SDK1: variants seen among roughly 807,000 people sequenced by gnomAD.
SDK1 encodes protein sidekick-1.
In SDK1, 157 loss-of-function variants were observed where a neutral mutation model predicts 245.5. The ratio of observed to expected loss-of-function variants is 0.64; its 90% CI spans 0.56 to 0.73. The LOEUF (loss-of-function observed/expected upper bound fraction) is 0.73, where lower values mean the gene tolerates loss of function less well. SDK1 is among the 30% of genes least tolerant of loss of function. The probability of loss-of-function intolerance (pLI) is 0.00; values close to 1 mark genes in which losing one functional copy is unlikely to be tolerated. For missense variants in SDK1, 3,583 were observed against 3,002.3 expected, an observed-to-expected ratio of 1.19 and a Z score of -4.52; for synonymous variants, 1,647 against 1,278.5, an observed-to-expected ratio of 1.29 and a Z score of -6.15.
At chr7:3,496,044 C>G (rs941017220) in intron 1 of SDK1, among the ~76,000 whole-genome samples, 1 of 152,162 alleles carries the variant, frequency 6.6e-6, no homozygotes, top group Non-Finnish European at 1.5e-5. Context: ...TTAAGTGATA[C>G]ACTTTTTCCC....
chr7:4,158,314 C>T (rs1019262305), intron 30 of SDK1, 134 bp from the exon 31 acceptor site: 23 of 663,730 alleles, frequency 3.5e-5, no homozygotes, highest in Non-Finnish European at 3.9e-5. Flanking sequence ...TAAGCTGTCT[C>T]GGGCCCACAC....
chr7:3,804,424 T>G (rs906640648), intron 4 of SDK1, among the ~76,000 whole-genome samples: 10 of 152,226 alleles, frequency 6.6e-5, no homozygotes, highest in African/African-American at 2.4e-4. Flanking sequence ...TTCTGAGTTC[T>G]TTATTTTGCC....
In SDK1 at chr7:3,825,694, G is replaced by C. The variant is rs114453277; in HGVS notation, c.847+4111G>C. On this transcript the variant is annotated intron_variant, in intron 5 of 44. Coordinates refer to ENST00000404826, the MANE Select transcript of SDK1 (RefSeq NM_152744.4). The stretch of plus-strand genomic sequence containing the variant: ...TTAACTGCAGACTCACGTAGGGTTA[G>C]TAGTTGAAAGTGGATTCCTGAGAAT... Among the ~76,000 whole-genome samples the C allele has an allele frequency of 3.6e-3, 555 of 152,284 alleles. 3 individuals carry two copies. The highest frequency in any genetic ancestry group is 0.013 in the African/African-American group (542 of 41,564).
At chr7:3,522,943 G>A (rs961612666) in intron 1 of SDK1, among the ~76,000 whole-genome samples, 1 of 29,466 alleles carries the variant, frequency 3.4e-5, no homozygotes, top group Non-Finnish European at 6.6e-5. Flanking sequence ...GTAAAGGTTA[G>A]GGGCACTCTT....
intron 4 of SDK1, among the ~76,000 whole-genome samples, chr7:3,773,682 C>T (rs1174265641): frequency 2.0e-5 from 3 of 152,106 alleles, no homozygotes; most frequent in Non-Finnish European, 2.9e-5. Flanking sequence ...TTCCCCCTTA[C>T]CCAAAGTTTG....
intron 28 of SDK1, among the ~76,000 whole-genome samples, chr7:4,143,244 G>T (rs1172885468): frequency 6.6e-6 from 1 of 152,202 alleles, no homozygotes; most frequent in Non-Finnish European, 1.5e-5. Context: ...ACAGGTCCGG[G>T]GAATAAGGTT....
intron 32 of SDK1, among the ~76,000 whole-genome samples, chr7:4,163,824 C>G (rs1298865748): frequency 6.6e-6 from 1 of 152,214 alleles, no homozygotes; most frequent in Non-Finnish European, 1.5e-5. Flanking sequence ...CGCTTTCACC[C>G]TCTTGCTGTA....
chr7:3,878,506 G>C (rs899705122), intron 5 of SDK1, among the ~76,000 whole-genome samples: 2 of 152,110 alleles, frequency 1.3e-5, no homozygotes, highest in African/African-American at 4.8e-5. Flanking sequence ...GACAGAGCAA[G>C]ACTCTGTCTC....
At chr7:4,050,432 G>A (rs1199268542) in intron 18 of SDK1, among the ~76,000 whole-genome samples, 3 of 152,178 alleles carry the variant, frequency 2.0e-5, no homozygotes, top group Non-Finnish European at 4.4e-5. Context: ...CTCTCCTGTC[G>A]AGTCTCGTTG....
At chr7:3,539,128 A>T (rs970545614) in intron 1 of SDK1, among the ~76,000 whole-genome samples, 1 of 152,158 alleles carries the variant, frequency 6.6e-6, no homozygotes, top group Non-Finnish European at 1.5e-5. Flanking sequence ...TTCTTTCCTC[A>T]TGCCACCTGT....
intron 1 of SDK1, among the ~76,000 whole-genome samples, chr7:3,576,319 G>C (rs1038897055): frequency 6.6e-6 from 1 of 152,134 alleles, no homozygotes; most frequent in African/African-American, 2.4e-5. Context: ...AAAGCTTCTG[G>C]AGTTACACTG....
chr7:3,308,523 A>G (rs1033324041), intron 1 of SDK1, among the ~76,000 whole-genome samples: 3 of 151,324 alleles, frequency 2.0e-5, no homozygotes, highest in African/African-American at 4.9e-5. Context: ...ACAGCTATCA[A>G]TTAAATAGTC....
intron 22 of SDK1, among the ~76,000 whole-genome samples, chr7:4,094,740 G>T (rs1184436051): frequency 6.6e-6 from 1 of 152,180 alleles, no homozygotes; most frequent in South Asian, 2.1e-4. Context: ...AAAGTGAGGT[G>T]TGTCTTTCAG....
At chr7:4,263,507 C>T (rs1406579803) in intron 44 of SDK1, among the ~76,000 whole-genome samples, 6 of 99,718 alleles carry the variant, frequency 6.0e-5, no homozygotes, top group East Asian at 2.5e-4. Context: ...GGGGAGGCCA[C>T]GTAGACCTCT....
At position 4,139,479 on chromosome 7, in the gene SDK1, ATG is replaced by A. The variant is rs1292285302; in HGVS notation, c.4229-6235_4229-6234del. The stretch of plus-strand genomic sequence containing the variant: ...TGTATATGTATATATGTGTGTGTAT[ATG>A]TGTGTGTATATATGTGTGTGTGTAT... On this transcript the variant is annotated intron_variant, in intron 28 of 44. Transcript: ENST00000404826. Among the ~76,000 whole-genome samples the A allele has an allele frequency of 2.3e-4, 23 of 99,090 alleles. 3 individuals carry two copies. The highest frequency in any genetic ancestry group is 7.9e-4 in the East Asian group (3 of 3,806). The allele number at this position is 99,090 out of a possible 152,430, so 65.0% of individuals were successfully genotyped here.
At chr7:4,216,637 T>A (rs188554461) in intron 38 of SDK1, among the ~76,000 whole-genome samples, 9 of 152,308 alleles carry the variant, frequency 5.9e-5, no homozygotes, top group Non-Finnish European at 8.8e-5. Flanking sequence ...CAAAATATTT[T>A]AAAATATGGT....
intron 1 of SDK1, among the ~76,000 whole-genome samples, chr7:3,395,422 G>A (rs1365383052): frequency 1.3e-5 from 2 of 151,772 alleles, no homozygotes; most frequent in Non-Finnish European, 2.9e-5. Context: ...CTGGTTTGTA[G>A]TTTTCCTTTC....
rs1194721592 is a variant in SDK1 at position 4,148,245 on chromosome 7, A to T, written c.4424-1017A>T. Among the ~76,000 whole-genome samples, 9 of 152,204 alleles carry T rather than the reference A, an allele frequency of 5.9e-5. 1 individual carries two copies. The highest frequency in any genetic ancestry group is 5.2e-4 in the Admixed American group (8 of 15,288). On this transcript the variant is annotated intron_variant, in intron 29 of 44. Coordinates refer to ENST00000404826, the MANE Select transcript of SDK1 (RefSeq NM_152744.4). ...CGGGAGCCCTCCTCCCACACCCGCC[A>T]CTGGGGGCCGACAATCAATTGCAGC... is the stretch of plus-strand genomic sequence containing the variant.
intron 40 of SDK1, among the ~76,000 whole-genome samples, chr7:4,230,872 T>C (rs1479187272): frequency 6.6e-6 from 1 of 152,140 alleles, no homozygotes; most frequent in Non-Finnish European, 1.5e-5. Context: ...AAAGGACTCT[T>C]GATTTTCCTC....
Sources: allele counts gnomAD v4.1 joint callset (sites outside exome capture counted in the v4.1 genomes callset), GRCh38; gene constraint gnomAD v4.1.1; transcripts MANE v1.5; gene names NCBI Gene and HGNC (gene_info 2026-07-23, HGNC 2026-07-21).